AHCYL1: variants seen among roughly 807,000 people sequenced by gnomAD.
The protein encoded by AHCYL1 is adenosylhomocysteinase like 1.
In AHCYL1, 20 loss-of-function variants were observed where a neutral mutation model predicts 79.3. The ratio of observed to expected loss-of-function variants is 0.25; its 90% CI spans 0.18 to 0.37. AHCYL1 has a LOEUF of 0.37. AHCYL1 is among the 10% of genes least tolerant of loss of function. AHCYL1 has a pLI of 1.00. For synonymous variants in AHCYL1, 223 were observed against 242.2 expected (o/e 0.92, Z 0.74); for missense variants, 330 against 673.6 (o/e 0.49, Z 5.65).
chr1:109,995,558 A>G (rs758456297), intron 1 of AHCYL1: 11 of 513,880 alleles, frequency 2.1e-5, no homozygotes, highest in Non-Finnish European at 2.8e-5. Flanking sequence ...ATTTCTGAAC[A>G]AGGCATATCT....
intron 3 of AHCYL1, among the ~76,000 whole-genome samples, chr1:110,011,627 A>G (rs537598716): frequency 3.8e-4 from 58 of 152,342 alleles, no homozygotes; most frequent in Middle Eastern, 3.4e-3. Context: ...TCAAAGATCT[A>G]CATGGCAGAA....
intron 1 of AHCYL1, among the ~76,000 whole-genome samples, chr1:110,005,729 G>A (rs926699071): frequency 2.6e-5 from 4 of 151,278 alleles, no homozygotes; most frequent in Admixed American, 6.6e-5. Context: ...TAGGATGTGT[G>A]TTTATGAAAG....
rs1421187216 is a variant in AHCYL1, at chr1:109,985,147, C to G, written c.95C>G (p.Ala32Gly). The G allele has an allele frequency of 1.2e-6, 2 of 1,610,066 alleles. No homozygotes were observed. Among genetic ancestry groups the G allele is most frequent in the African/African-American group, 2.7e-5 (2 of 74,710 alleles). The part of the protein sequence containing the change: ...IEDAEKYSFM[A>G]TVTKAPKKQI... ...GACGCCGAGAAGTACTCCTTCATGG[C>G]CACCGTCACCAAGGCGCCCAAGAAG... The change falls in exon 1 of 17, where the codon GCC (alanine) becomes GGC (glycine). Residue 32 changes from alanine to glycine, a missense_variant. Transcript: ENST00000369799.
Position 110,015,436 on chromosome 1 carries a change from T to C in AHCYL1, c.687T>C (p.Asp229=), listed in dbSNP as rs1218631333. The part of the protein sequence containing the change: ...DGWQANMILD[D]GGDLTHWVYK... ...TGGCTGTTCTATAGATCCTGGATGATGGGGGAGACTTAACCCACTGGGTTT... is the reference window on the plus strand; with the variant it reads ...TGGCTGTTCTATAGATCCTGGATGACGGGGGAGACTTAACCCACTGGGTTT... The change falls in exon 7 of 17, where the codon GAT becomes GAC. Residue 229 remains aspartate, a synonymous_variant. Coordinates refer to ENST00000369799, the MANE Select transcript of AHCYL1 (RefSeq NM_006621.7). The C allele has an allele frequency of 1.2e-6, 2 of 1,614,028 alleles. No individual in the cohort carries two copies. Among genetic ancestry groups the C allele is most frequent in the Non-Finnish European group, 1.7e-6 (2 of 1,179,900 alleles).
chr1:109,996,751 A>G (rs923047457), intron 1 of AHCYL1, among the ~76,000 whole-genome samples: 8 of 152,238 alleles, frequency 5.3e-5, no homozygotes, highest in African/African-American at 1.9e-4. Context: ...ACCAGGCGAT[A>G]GGAATTTTTC....
intron 1 of AHCYL1, among the ~76,000 whole-genome samples, chr1:109,990,258 C>G (rs1045065041): frequency 1.3e-5 from 2 of 152,112 alleles, no homozygotes; most frequent in African/African-American, 4.8e-5. Flanking sequence ...CTTTTCTCAT[C>G]TGTAAAATGG....
At chr1:109,988,710 G>T (rs1274470875) in intron 1 of AHCYL1, among the ~76,000 whole-genome samples, 1 of 152,188 alleles carries the variant, frequency 6.6e-6, no homozygotes, top group African/African-American at 2.4e-5. Flanking sequence ...TTTTGACCTA[G>T]GATCTGTGGA....
chr1:110,007,793 T>C (rs557470795), intron 1 of AHCYL1, among the ~76,000 whole-genome samples: 21 of 152,208 alleles, frequency 1.4e-4, no homozygotes, highest in Non-Finnish European at 2.6e-4. Flanking sequence ...ACTCAAACCA[T>C]CCTGCTTATT....
In AHCYL1 at chr1:110,019,432, T is replaced by C. The variant is rs1381196632; in HGVS notation, c.1387-116T>C. 1.7e-5 allele frequency: 16 copies of C among 917,224 alleles called. No homozygotes were observed. The East Asian group carries it at 3.1e-4, about 18-fold the overall frequency. The allele number at this position is 917,224 out of a possible 1,614,324, so 56.8% of individuals were successfully genotyped here. A position where few individuals can be genotyped will look rare whatever the true frequency, so the allele number is the denominator to read the frequency against. The stretch of plus-strand genomic sequence containing the variant: ...TTAGTATAGGCAAAGTCCTAGGTAC[T>C]GTGACTGTGGTAGATCACTGTAGTA... On this transcript the variant is annotated intron_variant, in intron 14 of 16. Transcript: ENST00000369799.
intron 1 of AHCYL1, among the ~76,000 whole-genome samples, chr1:109,991,778 CAAG>C (rs895748379): frequency 3.3e-5 from 5 of 152,142 alleles, no homozygotes; most frequent in African/African-American, 1.2e-4. Flanking sequence ...AGTAAAGGGG[CAAG>C]AGGCTGGAGG....
chr1:109,999,645 T>C (rs1193494715), intron 1 of AHCYL1, among the ~76,000 whole-genome samples: 1 of 152,216 alleles, frequency 6.6e-6, no homozygotes, highest in Non-Finnish European at 1.5e-5. Context: ...ACAAGAACTT[T>C]TGTTAGTTGT....
intron 1 of AHCYL1, among the ~76,000 whole-genome samples, chr1:109,991,448 A>C (rs1382457063): frequency 6.6e-6 from 1 of 152,126 alleles, no homozygotes; most frequent in East Asian, 1.9e-4. Flanking sequence ...AAGCCAGTTC[A>C]CTTGTTTTAA....
intron 14 of AHCYL1, 46 bp from the exon 15 acceptor site, chr1:110,019,498 CCTGT>C (rs1284514274): frequency 5.3e-6 from 8 of 1,500,538 alleles, no homozygotes; most frequent in Non-Finnish European, 6.4e-6. Flanking sequence ...TTTTTATGTG[CCTGT>C]CTAAGAAATA....
chr1:110,013,186 G>A (rs907805648), intron 5 of AHCYL1, among the ~76,000 whole-genome samples, 187 bp downstream of exon 5: 20 of 152,326 alleles, frequency 1.3e-4, no homozygotes, highest in African/African-American at 4.3e-4. Context: ...GGAATATTAT[G>A]TAGTCATTAA....
intron 1 of AHCYL1, 107 bp from the exon 2 acceptor site, chr1:110,008,927 C>A (rs1283942174): frequency 1.2e-6 from 1 of 801,416 alleles, no homozygotes; most frequent in Non-Finnish European, 1.9e-6. Context: ...TTAGTAGGAA[C>A]CATGTGATTA....
chr1:110,008,660 G>A (rs1650823775), intron 1 of AHCYL1, among the ~76,000 whole-genome samples: 2 of 152,200 alleles, frequency 1.3e-5, no homozygotes, highest in Non-Finnish European at 2.9e-5. Flanking sequence ...GTAGCACTAT[G>A]AGATTCTGTT....
intron 15 of AHCYL1, among the ~76,000 whole-genome samples, chr1:110,020,422 TG>T (rs1251942600): frequency 6.6e-6 from 1 of 152,156 alleles, no homozygotes; most frequent in Non-Finnish European, 1.5e-5. Flanking sequence ...ATGTGACATG[TG>T]GGCCACTGCA....
intron 1 of AHCYL1, among the ~76,000 whole-genome samples, chr1:109,988,945 G>T (rs1458788424): frequency 3.9e-5 from 6 of 152,308 alleles, no homozygotes; most frequent in Non-Finnish European, 8.8e-5. Context: ...TTATCTTACG[G>T]TTAATTTTTG....
chr1:110,020,005 G>T (rs568875711), intron 15 of AHCYL1, among the ~76,000 whole-genome samples: 36 of 152,272 alleles, frequency 2.4e-4, no homozygotes, highest in African/African-American at 8.4e-4. Flanking sequence ...TTTCTGTGAG[G>T]ATATGCAAAC....
Sources: allele counts gnomAD v4.1 joint callset (sites outside exome capture counted in the v4.1 genomes callset), GRCh38; gene constraint gnomAD v4.1.1; transcripts MANE v1.5; gene names NCBI Gene and HGNC (gene_info 2026-07-23, HGNC 2026-07-21).